KAT6B: variants seen among roughly 807,000 people sequenced by gnomAD.
The protein encoded by KAT6B is histone acetyltransferase KAT6B.
Under a neutral mutation model 187.5 loss-of-function variants are expected in KAT6B, and 10 were observed. The observed-to-expected ratio is 0.05, with a 90% CI of 0.03 to 0.09. KAT6B has a LOEUF of 0.09. KAT6B is among the 10% of genes least tolerant of loss of function. KAT6B has a pLI of 1.00. For missense variants in KAT6B, 1,952 were observed against 2,558.9 expected (o/e 0.76, Z 5.12); for synonymous variants, 861 against 926.8 (o/e 0.93, Z 1.29).
In KAT6B at chr10:74,959,982, C is replaced by G; in HGVS notation, c.634C>G (p.Pro212Ala). 1.2e-6 allele frequency: 2 copies of G among 1,608,846 alleles called. No homozygotes were observed. The highest frequency in any genetic ancestry group is 1.7e-6 in the Non-Finnish European group (2 of 1,175,300). ...PHEKDQPRAD[P>A]IPICSFCLGT... ...AATTTTGTCATAGCCCCGTGCTGAT[C>G]CCATTCCAATATGTAGCTTCTGTTT... The change falls in exon 4 of 18, where the codon CCC (proline) becomes GCC (alanine). Residue 212 changes from proline to alanine, a missense_variant. Pro to Ala is a conservative substitution (Grantham distance 27, BLOSUM62 -1). This residue lies in a region of KAT6B where 218 missense variants were observed against 282.6 expected (regional missense o/e 0.77). Coordinates refer to ENST00000287239, the MANE Select transcript of KAT6B (RefSeq NM_012330.4).
intron 3 of KAT6B, among the ~76,000 whole-genome samples, chr10:74,944,948 C>T (rs997501498): frequency 2.0e-5 from 3 of 151,930 alleles, no homozygotes; most frequent in Admixed American, 2.0e-4. Context: ...GCACAAGCAC[C>T]TTGGAAAACA....
intron 3 of KAT6B, among the ~76,000 whole-genome samples, chr10:74,911,774 T>C (rs771502375): frequency 1.3e-5 from 2 of 152,182 alleles, no homozygotes; most frequent in African/African-American, 2.4e-5. Context: ...GTATTGTGTT[T>C]ATAACATGGG....
At position 75,028,875 on chromosome 10, in the gene KAT6B, G is replaced by C; in HGVS notation, c.4051G>C (p.Glu1351Gln). The change falls in exon 18 of 18, where the codon GAG becomes CAG. Residue 1351 changes from glutamate (E) to glutamine (Q), a missense_variant. Around this residue, in one of 9 missense-constraint regions of KAT6B, gnomAD observed 758 missense variants for 891.4 expected, o/e 0.85. Coordinates refer to ENST00000287239, the MANE Select transcript of KAT6B (RefSeq NM_012330.4). Reference sequence around the variant, plus strand: ...ACCAGAAGATGATCTCATCAAACCTGAGGAAGAGGAAGAGGAGGAGGAGGA... The same window carrying C: ...ACCAGAAGATGATCTCATCAAACCTCAGGAAGAGGAAGAGGAGGAGGAGGA... The part of the protein sequence containing the change: ...EKPEDDLIKP[E>Q]EEEEEEEEEE... 6.2e-7 allele frequency: 1 copy of C among 1,613,558 alleles called. No individual in the cohort carries two copies. The highest frequency in any genetic ancestry group is 8.5e-7 in the Non-Finnish European group (1 of 1,179,814).
At chr10:74,887,747 C>G (rs1845381584) in intron 3 of KAT6B, among the ~76,000 whole-genome samples, 1 of 152,076 alleles carries the variant, frequency 6.6e-6, no homozygotes, top group African/African-American at 2.4e-5. Flanking sequence ...TGGCTCCTGC[C>G]CATAATCTCA....
At chr10:74,879,386 C>T (rs1057383743) in intron 3 of KAT6B, among the ~76,000 whole-genome samples, 3 of 152,156 alleles carry the variant, frequency 2.0e-5, no homozygotes, top group African/African-American at 7.2e-5. Context: ...AATATGGAAG[C>T]AGGTCATTTC....
intron 3 of KAT6B, among the ~76,000 whole-genome samples, chr10:74,950,770 A>G (rs1213739029): frequency 6.6e-6 from 1 of 152,216 alleles, no homozygotes; most frequent in Non-Finnish European, 1.5e-5. Context: ...TGTGGACAAT[A>G]ATTCATTACC....
Position 74,975,826 on chromosome 10 carries a change from C to G in KAT6B, c.1489C>G (p.Pro497Ala), listed in dbSNP as rs761287002. ...LKPPPSSLPP[P>A]TPISGQSPSS... is the part of the protein sequence containing the mutation. ...ACCTCCACCTTCTTCACTTCCACCCCCAACCCCCATCTCCGGTCAGAGCCC... is the reference window on the plus strand; with the variant it reads ...ACCTCCACCTTCTTCACTTCCACCCGCAACCCCCATCTCCGGTCAGAGCCC... The change falls in exon 8 of 18, where the codon CCA becomes GCA. Residue 497 changes from proline to alanine, a missense_variant. Pro to Ala is a conservative substitution (Grantham distance 27). Transcript: ENST00000287239. 1.2e-6 allele frequency: 2 copies of G among 1,614,020 alleles called. No homozygotes were observed. Among genetic ancestry groups the G allele is most frequent in the South Asian group, 1.1e-5 (1 of 91,072 alleles).
intron 12 of KAT6B, among the ~76,000 whole-genome samples, chr10:74,988,670 C>T (rs1246438913): frequency 6.6e-6 from 1 of 152,118 alleles, no homozygotes; most frequent in Non-Finnish European, 1.5e-5. Flanking sequence ...TGGGTGACTC[C>T]CTGGGATGTT....
intron 3 of KAT6B, among the ~76,000 whole-genome samples, chr10:74,925,694 C>G (rs1848447482): frequency 6.6e-6 from 1 of 152,148 alleles, no homozygotes; most frequent in Non-Finnish European, 1.5e-5. Flanking sequence ...GCTCTTTTAT[C>G]TGTGTTTTCA....
intron 13 of KAT6B, among the ~76,000 whole-genome samples, chr10:74,997,104 G>C (rs1431689270): frequency 6.6e-6 from 1 of 151,934 alleles, no homozygotes; most frequent in African/African-American, 2.4e-5. Flanking sequence ...GCTCATACCT[G>C]TAATCCCAGC....
At chr10:74,974,919 CT>C (rs1378691521) in intron 7 of KAT6B, among the ~76,000 whole-genome samples, 1 of 152,110 alleles carries the variant, frequency 6.6e-6, no homozygotes, top group Non-Finnish European at 1.5e-5. Flanking sequence ...CATATCCAAA[CT>C]CTATTTATAT....
chr10:74,857,922 T>G (rs146252971), intron 3 of KAT6B, among the ~76,000 whole-genome samples: 2 of 152,162 alleles, frequency 1.3e-5, no homozygotes, highest in African/African-American at 4.8e-5. Flanking sequence ...CTTGGGAGGC[T>G]GAGGTGGGAG....
At chr10:74,885,795 G>A (rs528853590) in intron 3 of KAT6B, among the ~76,000 whole-genome samples, 14 of 150,390 alleles carry the variant, frequency 9.3e-5, no homozygotes, top group South Asian at 6.4e-4. Context: ...GCAGTGGCAC[G>A]ATCTCAGCTC....
At chr10:74,954,386 G>A (rs1840528122) in intron 3 of KAT6B, among the ~76,000 whole-genome samples, 1 of 152,088 alleles carries the variant, frequency 6.6e-6, no homozygotes. Flanking sequence ...AAAGAGTTCT[G>A]GAGATAAATG....
chr10:74,986,695 C>T (rs1305069783), intron 12 of KAT6B, among the ~76,000 whole-genome samples: 3 of 152,158 alleles, frequency 2.0e-5, no homozygotes, highest in African/African-American at 7.2e-5. Flanking sequence ...CTGAATAAAA[C>T]AATAAATAGG....
Position 74,985,232 on chromosome 10 carries a change from C to T in KAT6B, c.2526C>T (p.Tyr842=). Residue 842 remains tyrosine (Y), a synonymous_variant, in exon 12 of 18, where the codon TAC becomes TAT. Transcript: ENST00000287239. The stretch of plus-strand genomic sequence containing the variant: ...AAAAGGGCTGTCATCTGGTTGGATA[C>T]TTCTCTAAGGTAAAACAAGAGCCAG... ...NDEKGCHLVG[Y]FSKEKLCQQK... is the part of the protein sequence containing the mutation. 6.2e-7 allele frequency: 1 copy of T among 1,614,050 alleles called. No individual in the cohort carries two copies. The highest frequency in any genetic ancestry group is 8.5e-7 in the Non-Finnish European group (1 of 1,179,956).
rs112400060 is a variant in KAT6B at position 74,935,837 on chromosome 10, G to A, written c.622-24133G>A. On this transcript the variant is annotated intron_variant, in intron 3 of 17. Transcript: ENST00000287239. ...TGATTAGGGTGAGAGATTTTCCTTAGGAAAGTTTCAAAAGTAGTCACTTAT... is the reference window on the plus strand; with the variant it reads ...TGATTAGGGTGAGAGATTTTCCTTAAGAAAGTTTCAAAAGTAGTCACTTAT... Among the ~76,000 whole-genome samples, 225 of 152,210 alleles carry A rather than the reference G, an allele frequency of 1.5e-3. 11 individuals are homozygous for A. Among genetic ancestry groups the A allele is most frequent in the African/African-American group, 5.2e-3 (214 of 41,520 alleles).
rs778510464 is a variant in KAT6B, at chr10:74,975,608, C to T, written c.1271C>T (p.Thr424Ile). The T allele has an allele frequency of 4.3e-6, 7 of 1,614,180 alleles. No individual in the cohort carries two copies. Among genetic ancestry groups the T allele is most frequent in the Non-Finnish European group, 5.1e-6 (6 of 1,180,040 alleles). ...ACCTCCACCTACATTTCTGCCTCTA[C>T]ACTTAAAGTTAACAAGAAAACCAAA... ...TTTSTYISASTLKVNKKTKGL... is the reference protein window; with the variant it reads ...TTTSTYISASILKVNKKTKGL... The change falls in exon 8 of 18, where the codon ACA (threonine) becomes ATA (isoleucine). Residue 424 changes from threonine (T) to isoleucine (I), a missense_variant. Around this residue, in one of 9 missense-constraint regions of KAT6B, gnomAD observed 417 missense variants for 508.9 expected, o/e 0.82. Transcript: ENST00000287239.
Position 74,830,662 on chromosome 10 carries a change from CT to C in KAT6B, c.-329+3881del, listed in dbSNP as rs1466696167. ...CCCTCTCCAATCTCAGCCTTTTTAGCTTTTATGATTTTAGCCAATATGGTAA... is the reference window on the plus strand; with the variant it reads ...CCCTCTCCAATCTCAGCCTTTTTAGCTTTATGATTTTAGCCAATATGGTAA... On this transcript the variant is annotated intron_variant, in intron 1 of 17. Coordinates refer to ENST00000287239, the MANE Select transcript of KAT6B (RefSeq NM_012330.4). Among the ~76,000 whole-genome samples, 3 of 127,468 alleles carry C rather than the reference CT, an allele frequency of 2.4e-5. No homozygotes were observed. In the Admixed American group the frequency reaches 2.8e-4, roughly 12 times the overall value. 83.6% of individuals were successfully genotyped at this position (127,468 alleles called of 152,430 possible).
Sources: allele counts gnomAD v4.1 joint callset (sites outside exome capture counted in the v4.1 genomes callset), GRCh38; gene constraint gnomAD v4.1.1; regional missense constraint gnomAD v4.1.1; transcripts MANE v1.5; gene names NCBI Gene and HGNC (gene_info 2026-07-23, HGNC 2026-07-21).